The following RBIS variants were observed in gnomAD, a reference collection of about 807,000 sequenced individuals.
RBIS encodes the protein ribosome biogenesis factor identified in screen.
In RBIS, 9 loss-of-function variants were observed where a neutral mutation model predicts 9.8. The observed-to-expected ratio is 0.92, with a 90% confidence interval of 0.56 to 1.61. RBIS has a LOEUF of 1.61. Among genes scored for constraint, RBIS ranks in the 40% most tolerant of loss-of-function variants. The pLI, the probability that RBIS is intolerant of heterozygous loss-of-function variation, is 0.00. For missense variants in RBIS, 103 were observed against 116.0 expected (o/e 0.89, Z 0.51); for synonymous variants, 35 against 37.9 (o/e 0.92, Z 0.28).
At chr8:85,217,032 A>G in intron 2 of RBIS, 1 of 372,372 alleles carries the variant, frequency 2.7e-6, no homozygotes, top group Non-Finnish European at 4.7e-6. Context: ...GTGCTCACTG[A>G]CATCCCATGT....
intron 1 of RBIS, among the ~76,000 whole-genome samples, chr8:85,218,263 T>G (rs1161263274): frequency 6.6e-6 from 1 of 152,136 alleles, no homozygotes; most frequent in East Asian, 1.9e-4. Flanking sequence ...AGTACTATTA[T>G]CCCCATTTTA....
chr8:85,214,879 C>T (rs918351038), intron 3 of RBIS, 42 bp downstream of exon 3: 23 of 1,086,922 alleles, frequency 2.1e-5, no homozygotes, highest in Non-Finnish European at 2.7e-5. Flanking sequence ...TTATTAGCCT[C>T]AATTTGTTAG....
At chr8:85,215,815 G>A (rs1179174164) in intron 2 of RBIS, 3 of 152,260 alleles carry the variant, frequency 2.0e-5, no homozygotes, top group African/African-American at 7.2e-5. Flanking sequence ...CAAGGAGGGG[G>A]TCATGGGAAC....
Position 85,214,979 on chromosome 8 carries a change from T to A in RBIS, c.173A>T (p.Gln58Leu). ...TTTTGCGAAATGTGCAAGTTCCTTT[T>A]GTACATTTACAAAAGCTTTATTTAC... Reference protein sequence around the residue: ...NRVNKAFVNVQKELAHFAKSI... With the variant: ...NRVNKAFVNVLKELAHFAKSI... The change falls in exon 3 of 4, where the codon CAA becomes CTA. Residue 58 changes from glutamine to leucine, a missense_variant. By Grantham distance (113) the Gln-to-Leu change is moderately radical. Coordinates refer to ENST00000619594, the MANE Select transcript of RBIS (RefSeq NM_001099673.3). 1 of 1,592,328 alleles carries A rather than the reference T, an allele frequency of 6.3e-7. No individual in the cohort carries two copies. Among genetic ancestry groups the A allele is most frequent in the East Asian group, 2.2e-5 (1 of 44,576 alleles).
intron 2 of RBIS, chr8:85,217,004 T>C (rs1055009874): frequency 6.4e-6 from 2 of 311,494 alleles, no homozygotes; most frequent in African/African-American, 2.1e-5. Flanking sequence ...CAAGAATTAC[T>C]GAGGAGAAAA....
intron 2 of RBIS, chr8:85,216,363 A>T (rs1813154850): frequency 6.6e-6 from 1 of 152,316 alleles, no homozygotes; most frequent in African/African-American, 2.4e-5. Flanking sequence ...TTTCTCCTTC[A>T]AAACCCTTAC....
intron 2 of RBIS, chr8:85,215,600 T>A (rs2129805648): frequency 6.6e-6 from 1 of 152,388 alleles, no homozygotes; most frequent in South Asian, 2.1e-4. Flanking sequence ...TTCAAAGAGC[T>A]TCTGGATAGC....
At position 85,215,057 on chromosome 8, in the gene RBIS, C is replaced by T. The variant is rs1309554972; in HGVS notation, c.115-20G>A. The T allele has an allele frequency of 2.0e-6, 2 of 1,018,426 alleles. No homozygotes were observed. The highest frequency in any genetic ancestry group is 2.4e-5 in the Admixed American group (1 of 42,312). The allele number at this position is 1,018,426 out of a possible 1,614,324, so 63.1% of individuals were successfully genotyped here. A position where few individuals can be genotyped will look rare whatever the true frequency, so the allele number is the denominator to read the frequency against. ...GTTTATCTTTTAAAAAGAAAAAAAG[C>T]ATTAATCTATGATCTCATAACCATT... On this transcript the variant is annotated intron_variant, in intron 2 of 3. Coordinates refer to ENST00000619594, the MANE Select transcript of RBIS (RefSeq NM_001099673.3).
At position 85,216,980 on chromosome 8, in the gene RBIS, T is replaced by C. The variant is rs555934799; in HGVS notation, c.114+406A>G. 32 of 260,140 alleles carry C rather than the reference T, an allele frequency of 1.2e-4. No individual in the cohort carries two copies. The East Asian group carries it at 1.8e-3, about 14-fold the overall frequency. 16.1% of individuals were successfully genotyped at this position (260,140 alleles called of 1,614,324 possible). A position where few individuals can be genotyped will look rare whatever the true frequency, so the allele number is the denominator to read the frequency against. On this transcript the variant is annotated intron_variant, in intron 2 of 3. Coordinates refer to ENST00000619594, the MANE Select transcript of RBIS (RefSeq NM_001099673.3). Reference sequence around the variant, plus strand: ...TACAGGTTTTTGTTTGAATTGCAGATGTCTTCAAAGATACAAGAATTACTG... The same window carrying C: ...TACAGGTTTTTGTTTGAATTGCAGACGTCTTCAAAGATACAAGAATTACTG...
chr8:85,217,018 A>C (rs1813177859), intron 2 of RBIS: 1 of 337,336 alleles, frequency 3.0e-6, no homozygotes, highest in African/African-American at 2.1e-5. Flanking sequence ...GAGAAAAAGA[A>C]TGGGTGCTCA....
intron 2 of RBIS, chr8:85,217,146 T>C: frequency 3.3e-6 from 2 of 607,006 alleles, no homozygotes; most frequent in Non-Finnish European, 2.9e-6. Flanking sequence ...ACTATTAAAT[T>C]GAAGCTTCAC....
intron 1 of RBIS, chr8:85,219,177 A>C (rs1452533678): frequency 6.6e-6 from 1 of 152,232 alleles, no homozygotes; most frequent in African/African-American, 2.4e-5. Flanking sequence ...ACACTGCTCT[A>C]GCCAGCCTGG....
At chr8:85,217,062 T>G (rs923160858) in intron 2 of RBIS, 7 of 485,032 alleles carry the variant, frequency 1.4e-5, no homozygotes, top group Non-Finnish European at 1.8e-5. Flanking sequence ...ATTAATACAT[T>G]CTTACATTTG....
At chr8:85,215,547 T>C (rs1813110496) in intron 2 of RBIS, 1 of 152,200 alleles carries the variant, frequency 6.6e-6, no homozygotes, top group Admixed American at 6.5e-5. Flanking sequence ...TAATGAATTA[T>C]GCCTACATAA....
At chr8:85,216,892 T>C (rs1380290637) in intron 2 of RBIS, 3 of 159,334 alleles carry the variant, frequency 1.9e-5, no homozygotes, top group East Asian at 3.6e-4. Context: ...TTTTGAAATA[T>C]AAACAAAGAA....
Position 85,214,316 on chromosome 8 carries a change from C to T in RBIS, c.*244G>A, listed in dbSNP as rs747429646. On this transcript the variant is annotated 3_prime_UTR_variant, in exon 4 of 4. Coordinates refer to ENST00000619594, the MANE Select transcript of RBIS (RefSeq NM_001099673.3). ...CCACTTGTAAAGTGAAGGATGTAAACGAGGATATATAACTGTTTCAGTGAA... is the reference window on the plus strand; with the variant it reads ...CCACTTGTAAAGTGAAGGATGTAAATGAGGATATATAACTGTTTCAGTGAA... The T allele has an allele frequency of 1.0e-5, 6 of 590,878 alleles. No homozygotes were observed. The highest frequency in any genetic ancestry group is 6.5e-5 in the East Asian group (2 of 30,782). 36.6% of individuals were successfully genotyped at this position (590,878 alleles called of 1,614,324 possible).
rs754662315 is a variant in RBIS, at chr8:85,217,382, T to G, written c.114+4A>C. 6.5e-7 allele frequency: 1 copy of G among 1,529,224 alleles called. No individual in the cohort carries two copies. Among genetic ancestry groups the G allele is most frequent in the East Asian group, 2.3e-5 (1 of 44,426 alleles). 94.7% of individuals were successfully genotyped at this position (1,529,224 alleles called of 1,614,324 possible). A position where few individuals can be genotyped will look rare whatever the true frequency, so the allele number is the denominator to read the frequency against. ...TAAAGTCAGAGTGCTTAACTAATACTCACCTTCTTAAGATTAGTGGTAACT... is the reference window on the plus strand; with the variant it reads ...TAAAGTCAGAGTGCTTAACTAATACGCACCTTCTTAAGATTAGTGGTAACT... On this transcript the variant is annotated splice_donor_region_variant and intron_variant, in intron 2 of 3. Coordinates refer to ENST00000619594, the MANE Select transcript of RBIS (RefSeq NM_001099673.3).
chr8:85,214,414 T>C lies in RBIS; in HGVS notation c.*146A>G. ...TTTTGTTGACTTCTGACATTCCACT[T>C]TCCTAGGTTATAGGAAAGATCTGTT... is the stretch of plus-strand genomic sequence containing the variant. On this transcript the variant is annotated 3_prime_UTR_variant, in exon 4 of 4. Transcript: ENST00000619594. The C allele has an allele frequency of 1.5e-6, 1 of 655,414 alleles. No homozygotes were observed. The highest frequency in any genetic ancestry group is 2.7e-6 in the Non-Finnish European group (1 of 368,536). The allele number at this position is 655,414 out of a possible 1,614,324, so 40.6% of individuals were successfully genotyped here. A position where few individuals can be genotyped will look rare whatever the true frequency, so the allele number is the denominator to read the frequency against.
At chr8:85,214,896 A>AAAAAGC (rs746414634) in intron 3 of RBIS, 25 bp downstream of exon 3, 6 of 1,292,582 alleles carry the variant, frequency 4.6e-6, no homozygotes, top group Non-Finnish European at 6.6e-6. Context: ...TTAGCCATAA[A>AAAAAGC]AAAAAGCAAA....
Sources: gnomAD v4.1 joint callset for allele counts (sites outside exome capture counted in the v4.1 genomes callset) on GRCh38, gnomAD v4.1.1 for gene constraint, MANE v1.5 for transcripts, NCBI Gene and HGNC (gene_info 2026-07-23, HGNC 2026-07-21) for gene names.